SGCZ: variants seen among roughly 807,000 people sequenced by gnomAD.
The protein encoded by SGCZ is zeta-sarcoglycan.
SGCZ carries 40 observed loss-of-function variants against 41.3 expected under a neutral mutation model. The ratio of observed to expected loss-of-function variants is 0.97; its 90% confidence interval spans 0.75 to 1.26. The LOEUF (loss-of-function observed/expected upper bound fraction) is 1.26. Among genes scored for constraint, SGCZ ranks in the 50% most tolerant of loss-of-function variants. The pLI is 0.00. For synonymous variants in SGCZ, 206 were observed against 137.5 expected (o/e 1.50, Z -3.49); for missense variants, 552 against 369.8 (o/e 1.49, Z -4.04).
chr8:14,668,129 T>C (rs1432373937), intron 1 of SGCZ, among the ~76,000 whole-genome samples: 1 of 152,018 alleles, frequency 6.6e-6, no homozygotes, highest in Non-Finnish European at 1.5e-5. Context: ...CAGCTAATTG[T>C]TGTATTTTTA....
chr8:14,792,072 A>C (rs1800973752), intron 1 of SGCZ, among the ~76,000 whole-genome samples: 1 of 152,238 alleles, frequency 6.6e-6, no homozygotes, highest in Admixed American at 6.5e-5. Context: ...AACAGGAAAC[A>C]CTGCATTAAG....
intron 1 of SGCZ, among the ~76,000 whole-genome samples, chr8:15,046,692 G>T (rs1216800122): frequency 6.6e-6 from 1 of 151,972 alleles, no homozygotes; most frequent in Non-Finnish European, 1.5e-5. Context: ...TGTTACTGAT[G>T]TGGCATTGCT....
At chr8:14,478,344 C>T (rs1269476737) in intron 2 of SGCZ, among the ~76,000 whole-genome samples, 2 of 152,122 alleles carry the variant, frequency 1.3e-5, no homozygotes, top group Non-Finnish European at 2.9e-5. Context: ...AAATAGTATT[C>T]AGCATTAAAA....
At chr8:14,781,629 A>T (rs1292663218) in intron 1 of SGCZ, among the ~76,000 whole-genome samples, 2 of 152,206 alleles carry the variant, frequency 1.3e-5, no homozygotes, top group African/African-American at 4.8e-5. Context: ...TTCTAATAAC[A>T]TAATATATAT....
At chr8:15,057,298 C>G (rs890471846) in intron 1 of SGCZ, among the ~76,000 whole-genome samples, 3 of 152,190 alleles carry the variant, frequency 2.0e-5, no homozygotes, top group Non-Finnish European at 4.4e-5. Flanking sequence ...GAGGAAGAAT[C>G]TGATCATTTT....
chr8:14,462,262 C>G (rs1177984294), intron 2 of SGCZ, among the ~76,000 whole-genome samples: 1 of 151,512 alleles, frequency 6.6e-6, no homozygotes, highest in East Asian at 1.9e-4. Flanking sequence ...ATGGAAAAAA[C>G]ATATAGAGGT....
At chr8:15,195,551 T>C (rs891388823) in intron 1 of SGCZ, among the ~76,000 whole-genome samples, 5 of 152,204 alleles carry the variant, frequency 3.3e-5, no homozygotes, top group African/African-American at 1.2e-4. Flanking sequence ...TTCACAATGC[T>C]AAAATGATGG....
chr8:14,187,085 T>C (rs1239649103), intron 4 of SGCZ, among the ~76,000 whole-genome samples: 1 of 152,096 alleles, frequency 6.6e-6, no homozygotes, highest in Non-Finnish European at 1.5e-5. Context: ...CATTCTAAGG[T>C]GGCTGAGTAC....
At chr8:14,200,543 C>T (rs116049899) in intron 4 of SGCZ, among the ~76,000 whole-genome samples, 6,844 of 152,092 alleles carry the variant, frequency 0.045, 270 homozygotes, top group African/African-American at 0.11. Context: ...CAGTATGAGA[C>T]CTGAACATAT....
chr8:14,430,690 G>C (rs768343152), intron 2 of SGCZ, among the ~76,000 whole-genome samples: 4 of 152,102 alleles, frequency 2.6e-5, no homozygotes, highest in African/African-American at 4.8e-5. Flanking sequence ...TGAAGTTCTA[G>C]TCAGAGCAAC....
intron 2 of SGCZ, among the ~76,000 whole-genome samples, chr8:14,536,947 C>T (rs562106041): frequency 6.6e-6 from 1 of 151,834 alleles, no homozygotes; most frequent in African/African-American, 2.4e-5. Context: ...GGTCTTAAGC[C>T]AAGATTCTAT....
chr8:15,134,406 T>C (rs1050581277), intron 1 of SGCZ, among the ~76,000 whole-genome samples: 5 of 151,986 alleles, frequency 3.3e-5, no homozygotes, highest in African/African-American at 1.2e-4. Context: ...TAATTTAAGC[T>C]ATATGCCCAA....
At chr8:14,996,185 G>A (rs945761080) in intron 1 of SGCZ, among the ~76,000 whole-genome samples, 2 of 152,182 alleles carry the variant, frequency 1.3e-5, no homozygotes, top group African/African-American at 2.4e-5. Flanking sequence ...TTACAGGCAT[G>A]AGCCACTACA....
At chr8:14,998,524 AC>A (rs1802299711) in intron 1 of SGCZ, among the ~76,000 whole-genome samples, 1 of 130,612 alleles carries the variant, frequency 7.7e-6, no homozygotes, top group Admixed American at 7.6e-5. Flanking sequence ...CAAACAGTTA[AC>A]TTTTTCTTAA....
intron 3 of SGCZ, among the ~76,000 whole-genome samples, chr8:14,248,186 A>G (rs1484846983): frequency 6.6e-6 from 1 of 152,204 alleles, no homozygotes; most frequent in Non-Finnish European, 1.5e-5. Flanking sequence ...GCACTGTACA[A>G]ACATTTTTCC....
chr8:14,196,634 A>G (rs907806813), intron 4 of SGCZ, among the ~76,000 whole-genome samples: 13 of 152,176 alleles, frequency 8.5e-5, no homozygotes, highest in Admixed American at 7.2e-4. Flanking sequence ...AAAATGATCT[A>G]TATGTTCATC....
At chr8:14,487,548 C>A (rs1446952311) in intron 2 of SGCZ, among the ~76,000 whole-genome samples, 1 of 152,072 alleles carries the variant, frequency 6.6e-6, no homozygotes, top group Non-Finnish European at 1.5e-5. Flanking sequence ...GACTTCAAAC[C>A]ATTGTTCTTC....
intron 1 of SGCZ, among the ~76,000 whole-genome samples, chr8:14,624,014 C>T (rs967397806): frequency 2.6e-5 from 4 of 152,090 alleles, no homozygotes; most frequent in African/African-American, 4.8e-5. Flanking sequence ...AAAGTCCTAA[C>T]GTAGTTTCTA....
At chr8:14,916,169 G>A (rs1330760085) in intron 1 of SGCZ, among the ~76,000 whole-genome samples, 2 of 152,112 alleles carry the variant, frequency 1.3e-5, no homozygotes, top group African/African-American at 4.8e-5. Flanking sequence ...ATGCATTCTA[G>A]GAGACATATG....
Sources: gnomAD v4.1 joint callset for allele counts (sites outside exome capture counted in the v4.1 genomes callset) on GRCh38, gnomAD v4.1.1 for gene constraint, MANE v1.5 for transcripts, NCBI Gene and HGNC (gene_info 2026-07-23, HGNC 2026-07-21) for gene names.